Variants in CLYBL observed in about 807,000 individuals in gnomAD.
The protein encoded by CLYBL is citramalyl-CoA lyase.
Under a neutral mutation model 38.9 loss-of-function variants are expected in CLYBL, and 31 were observed. The observed-to-expected ratio is 0.80, with a 90% confidence interval of 0.60 to 1.08. The LOEUF is 1.08. Ranked by LOEUF, CLYBL falls within the 50% of genes least tolerant of loss-of-function variation. The probability of loss-of-function intolerance (pLI) is 0.00; values close to 1 mark genes in which losing one functional copy is unlikely to be tolerated. For missense variants in CLYBL, 434 were observed against 411.6 expected, an observed-to-expected ratio of 1.05 and a Z score of -0.47; for synonymous variants, 171 against 158.6, an observed-to-expected ratio of 1.08 and a Z score of -0.59.
At chr13:99,845,985 A>G (rs2051195209) in intron 2 of CLYBL, among the ~76,000 whole-genome samples, 1 of 151,738 alleles carries the variant, frequency 6.6e-6, no homozygotes, top group Non-Finnish European at 1.5e-5. Context: ...AAAAAAAACA[A>G]AGCCATTTTT....
chr13:99,871,462 CAAGTTATTTT>C (rs1255905561), intron 7 of CLYBL, among the ~76,000 whole-genome samples: 14 of 152,064 alleles, frequency 9.2e-5, no homozygotes, highest in African/African-American at 3.4e-4. Context: ...AAATAAATTG[CAAGTTATTTT>C]AATTTGGGGG....
chr13:99,729,314 C>G (rs1008124531), intron 1 of CLYBL, among the ~76,000 whole-genome samples: 3 of 152,234 alleles, frequency 2.0e-5, no homozygotes, highest in African/African-American at 7.2e-5. Context: ...CCAAAAGGCC[C>G]TCCAAACCTT....
At chr13:99,886,732 T>C (rs952222007) in intron 7 of CLYBL, among the ~76,000 whole-genome samples, 3 of 152,216 alleles carry the variant, frequency 2.0e-5, no homozygotes, top group African/African-American at 7.2e-5. Context: ...ATGGCCCTGA[T>C]TGGGAAGAAG....
At chr13:99,878,269 A>G (rs2052102895) in intron 7 of CLYBL, among the ~76,000 whole-genome samples, 1 of 152,244 alleles carries the variant, frequency 6.6e-6, no homozygotes. Flanking sequence ...GAAAAAATGT[A>G]CCAGTATTTT....
intron 1 of CLYBL, among the ~76,000 whole-genome samples, chr13:99,703,559 C>T (rs189383214): frequency 7.2e-5 from 11 of 152,080 alleles, no homozygotes; most frequent in African/African-American, 1.2e-4. Flanking sequence ...TTAGTAGAGA[C>T]GGTATTTCAC....
intron 1 of CLYBL, among the ~76,000 whole-genome samples, chr13:99,675,315 A>G (rs1214800320): frequency 3.0e-5 from 3 of 99,186 alleles, no homozygotes; most frequent in Non-Finnish European, 4.6e-5. Context: ...TGTATGCCCT[A>G]TATGTGTATA....
chr13:99,883,948 T>C (rs2052281618), intron 7 of CLYBL, among the ~76,000 whole-genome samples: 1 of 152,212 alleles, frequency 6.6e-6, no homozygotes, highest in African/African-American at 2.4e-5. Context: ...TAAACTCACT[T>C]GCCCTTTAAC....
chr13:99,679,454 G>A (rs555504182), intron 1 of CLYBL, among the ~76,000 whole-genome samples: 2 of 152,244 alleles, frequency 1.3e-5, no homozygotes, highest in South Asian at 2.1e-4. Flanking sequence ...CCTCTTTAAT[G>A]TGACCTTTTA....
At chr13:99,645,276 C>T (rs2047160522) in intron 1 of CLYBL, among the ~76,000 whole-genome samples, 1 of 152,150 alleles carries the variant, frequency 6.6e-6, no homozygotes, top group African/African-American at 2.4e-5. Flanking sequence ...GCGGGTGGAT[C>T]ACGAGGTCAG....
chr13:99,821,145 C>T (rs77383667), intron 2 of CLYBL, among the ~76,000 whole-genome samples: 27 of 152,210 alleles, frequency 1.8e-4, no homozygotes, highest in Middle Eastern at 3.4e-3. Context: ...TTGGGGTTTC[C>T]GGATGGGCTG....
intron 1 of CLYBL, among the ~76,000 whole-genome samples, chr13:99,733,025 T>C (rs1475998984): frequency 6.6e-6 from 1 of 152,210 alleles, no homozygotes; most frequent in Non-Finnish European, 1.5e-5. Context: ...GTAATTGGCT[T>C]TTGCATTTAT....
intron 3 of CLYBL, among the ~76,000 whole-genome samples, chr13:99,862,168 A>T (rs1196178467): frequency 1.3e-5 from 2 of 152,124 alleles, no homozygotes; most frequent in African/African-American, 4.8e-5. Flanking sequence ...TTTAAAATGG[A>T]TATATATGTT....
chr13:99,801,250 T>G (rs2050131094), intron 2 of CLYBL, among the ~76,000 whole-genome samples: 1 of 152,246 alleles, frequency 6.6e-6, no homozygotes, highest in South Asian at 2.1e-4. Context: ...GCAGGCTTAA[T>G]GTTTTCCCTT....
At chr13:99,622,277 GGTATAAGGAC>G (rs2046810050) in intron 1 of CLYBL, among the ~76,000 whole-genome samples, 1 of 152,112 alleles carries the variant, frequency 6.6e-6, no homozygotes, top group Admixed American at 6.5e-5. Context: ...ATAAATACTG[GGTATAAGGAC>G]GTGGACATCT....
chr13:99,771,116 C>T lies in CLYBL; in HGVS notation c.63-1708C>T, dbSNP rs559925630. On this transcript the variant is annotated intron_variant, in intron 1 of 8. Transcript: ENST00000339105. ...CTTTGCGATCACAGCTCATTGCAAC[C>T]TCATCGACCTTCTGGGCTTAATCAA... 6.7e-5 allele frequency among the ~76,000 whole-genome samples: 10 copies of T among 150,260 alleles called. No homozygotes were observed. The South Asian group carries it at 8.5e-4, about 13-fold the overall frequency.
intron 2 of CLYBL, among the ~76,000 whole-genome samples, chr13:99,841,588 T>C (rs1229613900): frequency 6.6e-6 from 1 of 151,688 alleles, no homozygotes; most frequent in Admixed American, 6.6e-5. Context: ...TTAGTAGAGA[T>C]GGGGTTTCGC....
At chr13:99,831,313 A>G (rs2050799063) in intron 2 of CLYBL, among the ~76,000 whole-genome samples, 1 of 152,238 alleles carries the variant, frequency 6.6e-6, no homozygotes, top group Non-Finnish European at 1.5e-5. Context: ...ATATATTATC[A>G]TTGATACCAT....
chr13:99,776,311 A>T (rs766108081), intron 2 of CLYBL, among the ~76,000 whole-genome samples: 4 of 151,726 alleles, frequency 2.6e-5, no homozygotes, highest in African/African-American at 4.8e-5. Flanking sequence ...CCTGGGCAAC[A>T]TGGCAAAACC....
At chr13:99,649,600 T>A (rs1259167417) in intron 1 of CLYBL, among the ~76,000 whole-genome samples, 1 of 152,228 alleles carries the variant, frequency 6.6e-6, no homozygotes, top group Non-Finnish European at 1.5e-5. Flanking sequence ...GCGCTGTGGC[T>A]CACGCCTGTA....
Sources: gnomAD v4.1 joint callset for allele counts (sites outside exome capture counted in the v4.1 genomes callset) on GRCh38, gnomAD v4.1.1 for gene constraint, MANE v1.5 for transcripts, NCBI Gene and HGNC (gene_info 2026-07-23, HGNC 2026-07-21) for gene names.